INTS6: variants seen among roughly 807,000 people sequenced by gnomAD.
INTS6 encodes the protein DEAD box protein.
INTS6 carries 16 observed loss-of-function variants against 104.9 expected under a neutral mutation model. The observed-to-expected ratio is 0.15, with a 90% confidence interval of 0.10 to 0.23. The LOEUF is 0.23. INTS6 is among the 10% of genes least tolerant of loss of function. The pLI is 1.00. For synonymous variants in INTS6, 324 were observed against 358.7 expected (o/e 0.90, Z 1.09); for missense variants, 584 against 1,062.8 (o/e 0.55, Z 6.26).
intron 3 of INTS6, chr13:51,437,426 T>G (rs1952711515): frequency 6.6e-6 from 1 of 151,918 alleles, no homozygotes; most frequent in Admixed American, 6.6e-5. Context: ...GTTACTTCCT[T>G]CTACACATCA....
At chr13:51,439,272 G>A (rs997957599) in intron 3 of INTS6, 2 of 152,126 alleles carry the variant, frequency 1.3e-5, no homozygotes, top group Non-Finnish European at 2.9e-5. Flanking sequence ...CTAATAGAAG[G>A]AAGATGTCAA....
intron 4 of INTS6, among the ~76,000 whole-genome samples, chr13:51,410,313 T>C (rs1273625352): frequency 6.6e-6 from 1 of 152,178 alleles, no homozygotes; most frequent in Non-Finnish European, 1.5e-5. Context: ...CTTAACTAAA[T>C]GATTTCAAAA....
intron 3 of INTS6, chr13:51,445,449 A>G (rs1246523700): frequency 1.3e-5 from 2 of 152,236 alleles, no homozygotes; most frequent in Admixed American, 1.3e-4. Flanking sequence ...AGAAAACTAG[A>G]GGTAAACATA....
At chr13:51,348,015 A>C in the INTS6 span, among the ~76,000 whole-genome samples, 2 of 151,972 alleles carry the variant, frequency 1.3e-5, no homozygotes, top group Non-Finnish European at 2.9e-5. Flanking sequence ...AGGGTATCTT[A>C]AAGACTCTAG....
intron 4 of INTS6, among the ~76,000 whole-genome samples, chr13:51,418,772 CAA>C (rs1363905900): frequency 6.6e-6 from 1 of 152,146 alleles, no homozygotes; most frequent in East Asian, 1.9e-4. Flanking sequence ...CTTTCTTCAA[CAA>C]AGTTTTACCC....
At chr13:51,405,070 T>C (rs767252529) in intron 4 of INTS6, among the ~76,000 whole-genome samples, 5 of 152,196 alleles carry the variant, frequency 3.3e-5, no homozygotes, top group Non-Finnish European at 7.4e-5. Context: ...GGAAGTAGCA[T>C]CTGAGCAAGT....
intron 15 of INTS6, among the ~76,000 whole-genome samples, chr13:51,369,906 C>T (rs1442584488): frequency 6.6e-6 from 1 of 152,182 alleles, no homozygotes; most frequent in Non-Finnish European, 1.5e-5. Flanking sequence ...TATTAGACTA[C>T]TAAAACTGAA....
chr13:51,343,191 G>A, the INTS6 span, among the ~76,000 whole-genome samples: 1 of 152,168 alleles, frequency 6.6e-6, no homozygotes, highest in Non-Finnish European at 1.5e-5. Context: ...AAAACCAGCC[G>A]GAGCCAGGTA....
At position 51,362,198 on chromosome 13, in the gene INTS6, A is replaced by C; in HGVS notation, c.*3554T>G. 1 of 651,476 alleles carries C rather than the reference A, an allele frequency of 1.5e-6. No individual in the cohort carries two copies. The highest frequency in any genetic ancestry group is 2.3e-6 in the Non-Finnish European group (1 of 430,368). The allele number at this position is 651,476 out of a possible 1,614,324, so 40.4% of individuals were successfully genotyped here. ...AGACACTTGGAAAAATCATGAAAGTAAAATAAATTATAAATCTTGCCCTTT... is the reference window on the plus strand; with the variant it reads ...AGACACTTGGAAAAATCATGAAAGTCAAATAAATTATAAATCTTGCCCTTT... On this transcript the variant is annotated 3_prime_UTR_variant, in exon 18 of 18. Coordinates refer to ENST00000311234, the MANE Select transcript of INTS6 (RefSeq NM_012141.3).
chr13:51,393,993 C>G (rs547311779), intron 5 of INTS6, among the ~76,000 whole-genome samples: 5 of 151,614 alleles, frequency 3.3e-5, no homozygotes, highest in African/African-American at 9.7e-5. Context: ...AGCCTCCAAG[C>G]CTTTCAGAAC....
intron 4 of INTS6, among the ~76,000 whole-genome samples, chr13:51,404,286 C>T (rs1293854485): frequency 2.2e-5 from 3 of 133,524 alleles, no homozygotes; most frequent in African/African-American, 8.7e-5. Flanking sequence ...AACAAACAAG[C>T]AAAAACTAAA....
downstream of INTS6, among the ~76,000 whole-genome samples, chr13:51,353,790 T>A (rs1214269439): frequency 6.6e-6 from 1 of 152,224 alleles, no homozygotes. Flanking sequence ...AGACCTTTGA[T>A]ATTAAATGGT....
chr13:51,450,559 ACTT>A (rs1370470058), intron 3 of INTS6: 30 of 985,380 alleles, frequency 3.0e-5, no homozygotes, highest in Middle Eastern at 5.2e-4. Flanking sequence ...CCAGTGAAAA[ACTT>A]CTTACCTTTC....
chr13:51,391,118 A>C (rs1956238367), intron 5 of INTS6, among the ~76,000 whole-genome samples: 1 of 152,178 alleles, frequency 6.6e-6, no homozygotes, highest in Admixed American at 6.5e-5. Context: ...TGGTAAATTC[A>C]AATTTTTTTC....
At chr13:51,369,351 CTCAAAGCATACAGTAA>C in intron 15 of INTS6, 41 bp from the exon 16 acceptor site, 1 of 1,552,036 alleles carries the variant, frequency 6.4e-7, no homozygotes, top group Non-Finnish European at 8.7e-7. Context: ...GGGATCCAGT[CTCAAAGCATACAGTAA>C]ATAAAGCTAC....
At chr13:51,360,211 A>C (rs567615824), downstream of INTS6, among the ~76,000 whole-genome samples, 1 of 152,216 alleles carries the variant, frequency 6.6e-6, no homozygotes, top group African/African-American at 2.4e-5. Context: ...TCCCTCACAC[A>C]ATATGTGTTC....
intron 16 of INTS6, 134 bp from the exon 17 acceptor site, chr13:51,368,032 T>G: frequency 3.9e-6 from 2 of 511,822 alleles, no homozygotes; most frequent in Non-Finnish European, 6.8e-6. Context: ...TCACCACTCA[T>G]TAGAGATTTT....
the INTS6 span, chr13:51,348,363 T>C: frequency 3.7e-6 from 6 of 1,613,762 alleles, no homozygotes; most frequent in African/African-American, 1.3e-5. Flanking sequence ...ACCATCCACC[T>C]CTGGACCACC....
At chr13:51,389,540 G>T in intron 5 of INTS6, 96 bp from the exon 6 acceptor site, 3 of 1,248,988 alleles carry the variant, frequency 2.4e-6, no homozygotes, top group Non-Finnish European at 3.2e-6. Context: ...AACAACTGTG[G>T]GGTTTCTGAC....
Sources: gnomAD v4.1 joint callset for allele counts (sites outside exome capture counted in the v4.1 genomes callset) on GRCh38, gnomAD v4.1.1 for gene constraint, MANE v1.5 for transcripts, NCBI Gene and HGNC (gene_info 2026-07-23, HGNC 2026-07-21) for gene names.